TASP1: variants seen among roughly 807,000 people sequenced by gnomAD.
The protein encoded by TASP1 is taspase 1, also known as threonine aspartase 1.
In TASP1, 16 loss-of-function variants were observed where a neutral mutation model predicts 56.6. The observed-to-expected ratio is 0.28, with a 90% CI of 0.19 to 0.43. The LOEUF is 0.43. TASP1 is among the 20% of genes least tolerant of loss of function. The pLI is 1.00. For missense variants in TASP1, 393 were observed against 511.6 expected (o/e 0.77, Z 2.24); for synonymous variants, 179 against 184.2 (o/e 0.97, Z 0.23).
At chr20:13,154,268 C>G in the TASP1 span, 1 of 1,158,980 alleles carries the variant, frequency 8.6e-7, no homozygotes. Context: ...TACGGCTTCT[C>G]GGAAGCCACC....
chr20:13,203,337 T>C, the TASP1 span, among the ~76,000 whole-genome samples: 1 of 152,208 alleles, frequency 6.6e-6, no homozygotes, highest in African/African-American at 2.4e-5. Flanking sequence ...TTGAACTCTC[T>C]AATGTCAGGA....
intron 13 of TASP1, among the ~76,000 whole-genome samples, chr20:13,397,784 T>C: frequency 6.6e-6 from 1 of 152,200 alleles, no homozygotes; most frequent in East Asian, 1.9e-4. Context: ...AATGTCTTTT[T>C]CGGTAAAAGT....
the TASP1 span, among the ~76,000 whole-genome samples, chr20:13,153,608 T>C: frequency 6.6e-6 from 1 of 152,098 alleles, no homozygotes; most frequent in African/African-American, 2.4e-5. Flanking sequence ...TCTACCAATA[T>C]CTGCTATGAA....
At position 13,435,137 on chromosome 20, in the gene TASP1, T is replaced by G. The variant is rs753648013; in HGVS notation, c.1003A>C (p.Ser335Arg). The change falls in exon 12 of 14, where the codon AGT (serine) becomes CGT (arginine). Residue 335 changes from serine to arginine, a missense_variant. Transcript: ENST00000337743. ...NKFISSPFLA[S>R]EDGVLGGVIV... Reference sequence around the variant, plus strand: ...ACTCCGCCAAGCACGCCATCTTCACTGGCAAGGAAAGGTGAACCTAGGCAG... The same window carrying G: ...ACTCCGCCAAGCACGCCATCTTCACGGGCAAGGAAAGGTGAACCTAGGCAG... 21 of 1,606,288 alleles carry G rather than the reference T, an allele frequency of 1.3e-5. No individual in the cohort carries two copies. In the Admixed American group the frequency reaches 3.2e-4, roughly 25 times the overall value.
chr20:13,190,486 A>T, the TASP1 span, among the ~76,000 whole-genome samples: 2 of 152,188 alleles, frequency 1.3e-5, no homozygotes, highest in Admixed American at 1.3e-4. Context: ...TAGGGAAGGG[A>T]CAGTCTCCTC....
the TASP1 span, among the ~76,000 whole-genome samples, chr20:13,221,306 G>T: frequency 7.0e-6 from 1 of 143,558 alleles, no homozygotes; most frequent in African/African-American, 2.5e-5. Context: ...TCTGGCGGCC[G>T]CTCCCGCTCC....
intron 10 of TASP1, among the ~76,000 whole-genome samples, chr20:13,488,611 A>T (rs1428184454): frequency 2.0e-5 from 3 of 152,144 alleles, no homozygotes. Context: ...GCTGAATTTA[A>T]TATTTATCTA....
chr20:13,620,436 G>A (rs2048672479), intron 4 of TASP1, among the ~76,000 whole-genome samples: 1 of 152,048 alleles, frequency 6.6e-6, no homozygotes, highest in African/African-American at 2.4e-5. Flanking sequence ...CACTTTCTAG[G>A]CAATAAAGAC....
At chr20:13,519,893 C>T (rs1442468805) in intron 10 of TASP1, among the ~76,000 whole-genome samples, 1 of 152,174 alleles carries the variant, frequency 6.6e-6, no homozygotes, top group Non-Finnish European at 1.5e-5. Flanking sequence ...AGCCCAAAAT[C>T]TCCTTAAGCT....
the TASP1 span, among the ~76,000 whole-genome samples, chr20:13,382,273 C>T: frequency 1.3e-5 from 2 of 152,112 alleles, no homozygotes; most frequent in Non-Finnish European, 2.9e-5. Context: ...GAACATTTTC[C>T]AAATACTCTG....
chr20:13,226,536 C>G, the TASP1 span, among the ~76,000 whole-genome samples: 1 of 152,102 alleles, frequency 6.6e-6, no homozygotes, highest in Non-Finnish European at 1.5e-5. Context: ...ATGACAGCAC[C>G]TTGCTTGGGC....
intron 4 of TASP1, among the ~76,000 whole-genome samples, chr20:13,620,155 G>A (rs2048657150): frequency 6.6e-6 from 1 of 151,596 alleles, no homozygotes; most frequent in Non-Finnish European, 1.5e-5. Flanking sequence ...CTGCAGTGGT[G>A]GTAAAGAAAA....
At chr20:13,414,870 T>G (rs1461258111) in intron 13 of TASP1, among the ~76,000 whole-genome samples, 7 of 152,112 alleles carry the variant, frequency 4.6e-5, no homozygotes, top group Non-Finnish European at 4.4e-5. Context: ...AAATTATACA[T>G]GCATTCTGGT....
intron 6 of TASP1, among the ~76,000 whole-genome samples, chr20:13,573,391 C>A (rs192042775): frequency 1.9e-4 from 29 of 152,286 alleles, no homozygotes; most frequent in Admixed American, 1.8e-3. Context: ...AATCCCCCAG[C>A]TCCTTGATCT....
At chr20:13,630,177 T>C (rs1481554122) in intron 1 of TASP1, 25 bp from the exon 2 acceptor site, 11 of 1,285,024 alleles carry the variant, frequency 8.6e-6, no homozygotes, top group Non-Finnish European at 1.2e-5. Flanking sequence ...GCAAAGATGG[T>C]ATACATTTCT....
At chr20:13,461,427 C>T (rs139311038) in intron 11 of TASP1, among the ~76,000 whole-genome samples, 42 of 152,218 alleles carry the variant, frequency 2.8e-4, no homozygotes, top group African/African-American at 9.6e-4. Flanking sequence ...AGTGCCTGGC[C>T]TGAAACATAG....
At chr20:13,454,295 G>A (rs1021872315) in intron 11 of TASP1, among the ~76,000 whole-genome samples, 42 of 152,124 alleles carry the variant, frequency 2.8e-4, no homozygotes, top group African/African-American at 9.7e-4. Context: ...GGTGGGGATA[G>A]TTGTCAAGAG....
chr20:13,634,958 G>A (rs1222989297), intron 1 of TASP1, among the ~76,000 whole-genome samples: 1 of 152,162 alleles, frequency 6.6e-6, no homozygotes, highest in Non-Finnish European at 1.5e-5. Context: ...AACCCAGGAA[G>A]CAGAGGTTGC....
At chr20:13,601,390 G>C (rs184121069) in intron 4 of TASP1, among the ~76,000 whole-genome samples, 1 of 152,192 alleles carries the variant, frequency 6.6e-6, no homozygotes, top group Admixed American at 6.5e-5. Context: ...GGCCACAAGG[G>C]CCAACTGAAA....
Sources: gnomAD v4.1 joint callset for allele counts (sites outside exome capture counted in the v4.1 genomes callset) on GRCh38, gnomAD v4.1.1 for gene constraint, MANE v1.5 for transcripts, NCBI Gene and HGNC (gene_info 2026-07-23, HGNC 2026-07-21) for gene names.